PHLPP1: variants seen among roughly 807,000 people sequenced by gnomAD.
PHLPP1 encodes PH domain and leucine rich repeat protein phosphatase 1.
In PHLPP1, 42 loss-of-function variants were observed where a neutral mutation model predicts 117.2. The ratio of observed to expected loss-of-function variants is 0.36; its 90% confidence interval spans 0.28 to 0.46. The LOEUF (loss-of-function observed/expected upper bound fraction) is 0.46, where lower values mean the gene tolerates loss of function less well. PHLPP1 is among the 20% of genes least tolerant of loss of function. The pLI, the probability that PHLPP1 is intolerant of heterozygous loss-of-function variation, is 1.00. For missense variants in PHLPP1, 2,084 were observed against 2,241.9 expected, an observed-to-expected ratio of 0.93 and a Z score of 1.42; for synonymous variants, 1,042 against 970.7, an observed-to-expected ratio of 1.07 and a Z score of -1.37.
At chr18:62,860,317 C>A in intron 3 of PHLPP1, 118 bp from the exon 4 acceptor site, 3 of 814,044 alleles carry the variant, frequency 3.7e-6, no homozygotes, top group African/African-American at 3.4e-5. Flanking sequence ...TATATTTGGA[C>A]TAACAGTGCT....
rs781467965 is a variant in PHLPP1, at chr18:62,979,416, C to A, written c.5139C>A (p.Tyr1713Ter). ...HYQLDQLPDY[Y>*]DTPL ...AGCTGGACCAGCTGCCAGATTATTACGACACGCCACTATGACCCAGCCGAG... is the reference window on the plus strand; with the variant it reads ...AGCTGGACCAGCTGCCAGATTATTAAGACACGCCACTATGACCCAGCCGAG... Residue 1713 changes from tyrosine to a stop codon, truncating the protein, a stop_gained, in exon 17 of 17, where the codon TAC becomes TAA. Transcript: ENST00000262719. LOFTEE classifies it high-confidence loss of function. 5 of 1,551,166 alleles carry A rather than the reference C, an allele frequency of 3.2e-6. No individual in the cohort carries two copies. The highest frequency in any genetic ancestry group is 4.4e-6 in the Non-Finnish European group (5 of 1,146,818).
chr18:62,734,137 A>G (rs1034042262), intron 1 of PHLPP1, among the ~76,000 whole-genome samples: 7 of 152,112 alleles, frequency 4.6e-5, no homozygotes, highest in Non-Finnish European at 7.4e-5. Context: ...TTTAAGGCCT[A>G]TGAGGTTTTA....
rs758578155 is a variant in PHLPP1, at chr18:62,903,112, G to A, written c.2593G>A (p.Val865Ile). Residue 865 changes from valine (V) to isoleucine (I), a missense_variant, in exon 7 of 17, where the codon GTC (valine) becomes ATC (isoleucine). Physicochemically the swap from Val to Ile is conservative, Grantham distance 29. Around this residue, in one of 2 missense-constraint regions of PHLPP1, gnomAD observed 1,365 missense variants for 1,605.9 expected, o/e 0.85. Transcript: ENST00000262719. ...EVLHCERNQL[V>I]TLDICGYFLK... ...TTTACACTGTGAAAGGAATCAACTGGTCACATTAGACATCTGTGGCTATTT... is the reference window on the plus strand; with the variant it reads ...TTTACACTGTGAAAGGAATCAACTGATCACATTAGACATCTGTGGCTATTT... The A allele has an allele frequency of 7.4e-6, 12 of 1,613,632 alleles. No individual in the cohort carries two copies. In the Admixed American group the frequency reaches 1.8e-4, roughly 25 times the overall value.
intron 14 of PHLPP1, among the ~76,000 whole-genome samples, chr18:62,969,276 T>C (rs1448616034): frequency 6.6e-6 from 1 of 152,220 alleles, no homozygotes; most frequent in East Asian, 1.9e-4. Flanking sequence ...TTCTAGTTTC[T>C]TTAAATGGAA....
chr18:62,825,211 A>C (rs550918413), intron 1 of PHLPP1, among the ~76,000 whole-genome samples: 139 of 151,672 alleles, frequency 9.2e-4, no homozygotes, highest in Non-Finnish European at 1.9e-3. Flanking sequence ...CACCCACTTC[A>C]GCCTCCCAAA....
intron 1 of PHLPP1, among the ~76,000 whole-genome samples, chr18:62,769,064 AGACT>A (rs1375751496): frequency 6.6e-6 from 1 of 152,256 alleles, no homozygotes; most frequent in Non-Finnish European, 1.5e-5. Flanking sequence ...TAATAAAGAT[AGACT>A]AAGTCCTTAA....
intron 8 of PHLPP1, among the ~76,000 whole-genome samples, chr18:62,914,543 C>T (rs767871595): frequency 2.0e-5 from 3 of 152,148 alleles, no homozygotes; most frequent in Non-Finnish European, 4.4e-5. Flanking sequence ...CTCCAGCAGT[C>T]CTCCCACTGT....
At chr18:62,958,853 A>T (rs1910693253) in intron 13 of PHLPP1, 94 bp downstream of exon 13, 1 of 1,404,484 alleles carries the variant, frequency 7.1e-7, no homozygotes. Context: ...ATGAAGCATC[A>T]TTGACTTGTT....
chr18:62,941,895 C>T lies in PHLPP1; in HGVS notation c.3138C>T (p.Asn1046=). The T allele has an allele frequency of 1.2e-6, 2 of 1,613,742 alleles. No individual in the cohort carries two copies. Among genetic ancestry groups the T allele is most frequent in the Non-Finnish European group, 1.7e-6 (2 of 1,179,688 alleles). Residue 1046 remains asparagine (N), a synonymous_variant, in exon 11 of 17, where the codon AAC becomes AAT. Coordinates refer to ENST00000262719, the MANE Select transcript of PHLPP1 (RefSeq NM_194449.4). Reference sequence around the variant, plus strand: ...TGAAGATCCTTCACATGGCCTATAACCGACTTCAGAGTTTTCCAGCAAGGT... The same window carrying T: ...TGAAGATCCTTCACATGGCCTATAATCGACTTCAGAGTTTTCCAGCAAGGT... ...PHLKILHMAY[N]RLQSFPASKM...
chr18:62,870,468 G>T (rs557552387), intron 4 of PHLPP1, among the ~76,000 whole-genome samples: 5 of 152,274 alleles, frequency 3.3e-5, no homozygotes, highest in African/African-American at 9.6e-5. Context: ...CATATATTTA[G>T]TTGCTTATTT....
chr18:62,829,470 A>G (rs906198707), intron 1 of PHLPP1, among the ~76,000 whole-genome samples: 2 of 152,046 alleles, frequency 1.3e-5, no homozygotes, highest in Middle Eastern at 3.2e-3. Context: ...TAAAACTCCA[A>G]CCCAGGCGTG....
chr18:62,724,099 T>C (rs997437724), intron 1 of PHLPP1, among the ~76,000 whole-genome samples: 1 of 152,220 alleles, frequency 6.6e-6, no homozygotes, highest in Non-Finnish European at 1.5e-5. Context: ...AGACCTCCTC[T>C]TTGGTGTAGA....
chr18:62,772,813 T>A, intron 1 of PHLPP1, among the ~76,000 whole-genome samples: 1 of 135,164 alleles, frequency 7.4e-6, no homozygotes, highest in Admixed American at 7.9e-5. Flanking sequence ...CCTGGGCTAC[T>A]AAGCAAGACT....
Position 62,715,682 on chromosome 18 carries a change from C to T in PHLPP1, c.-2C>T. 1 of 1,289,102 alleles carries T rather than the reference C, an allele frequency of 7.8e-7. No homozygotes were observed. The highest frequency in any genetic ancestry group is 9.8e-7 in the Non-Finnish European group (1 of 1,015,886). The allele number at this position is 1,289,102 out of a possible 1,614,324, so 79.9% of individuals were successfully genotyped here. On this transcript the variant is annotated 5_prime_UTR_variant, in exon 1 of 17. Transcript: ENST00000262719. The stretch of plus-strand genomic sequence containing the variant: ...GGGGGGGAAACGCGAAGCCCCACTG[C>T]AATGGAGCCCGCCGCCGCGGCCACG...
At chr18:62,933,417 G>A (rs1909877737) in intron 10 of PHLPP1, among the ~76,000 whole-genome samples, 2 of 152,062 alleles carry the variant, frequency 1.3e-5, no homozygotes, top group African/African-American at 2.4e-5. Flanking sequence ...AAAAACAGAT[G>A]CATAGATCAA....
intron 1 of PHLPP1, among the ~76,000 whole-genome samples, chr18:62,736,622 TAATG>T (rs1911376591): frequency 6.6e-6 from 1 of 152,328 alleles, no homozygotes; most frequent in East Asian, 1.9e-4. Context: ...GTTGGCGACA[TAATG>T]AATGAAAGTG....
chr18:62,902,657 G>A (rs1209687461), intron 6 of PHLPP1, among the ~76,000 whole-genome samples: 1 of 152,166 alleles, frequency 6.6e-6, no homozygotes, highest in Non-Finnish European at 1.5e-5. Flanking sequence ...GGAAGTCAGT[G>A]CTTAAGTGGA....
At chr18:62,778,204 C>T (rs1026684806) in intron 1 of PHLPP1, among the ~76,000 whole-genome samples, 6 of 152,264 alleles carry the variant, frequency 3.9e-5, no homozygotes, top group South Asian at 2.1e-4. Flanking sequence ...TTCTTCCCAG[C>T]ACCTCCTAGA....
At chr18:62,940,344 T>G (rs1469620647) in intron 10 of PHLPP1, among the ~76,000 whole-genome samples, 1 of 147,040 alleles carries the variant, frequency 6.8e-6, no homozygotes, top group East Asian at 2.0e-4. Flanking sequence ...CGTTTCTTTT[T>G]CTTTCTTTTC....
Sources: allele counts gnomAD v4.1 joint callset (sites outside exome capture counted in the v4.1 genomes callset), GRCh38; gene constraint gnomAD v4.1.1; regional missense constraint gnomAD v4.1.1; transcripts MANE v1.5; gene names NCBI Gene and HGNC (gene_info 2026-07-23, HGNC 2026-07-21).